EPHB2: variants seen among roughly 807,000 people sequenced by gnomAD.
The protein encoded by EPHB2 is ephrin type-B receptor 2.
Under a neutral mutation model 96.4 loss-of-function variants are expected in EPHB2, and 18 were observed. The ratio of observed to expected loss-of-function variants is 0.19; its 90% CI spans 0.13 to 0.28. The LOEUF (loss-of-function observed/expected upper bound fraction) is 0.28. Among genes scored for constraint, EPHB2 ranks in the 10% least tolerant of loss-of-function variants. The pLI, the probability that EPHB2 is intolerant of heterozygous loss-of-function variation, is 1.00. For synonymous variants in EPHB2, 506 were observed against 534.1 expected, an observed-to-expected ratio of 0.95 and a Z score of 0.72; for missense variants, 989 against 1,355.4, an observed-to-expected ratio of 0.73 and a Z score of 4.25.
At chr1:22,824,295 G>GGAAA (rs565366377) in intron 3 of EPHB2, among the ~76,000 whole-genome samples, 5 of 151,098 alleles carry the variant, frequency 3.3e-5, no homozygotes, top group Non-Finnish European at 5.9e-5. Flanking sequence ...AAGGAAGGAA[G>GGAAA]GAAAGAAAGA....
intron 3 of EPHB2, among the ~76,000 whole-genome samples, chr1:22,810,608 G>A (rs1029082213): frequency 1.3e-5 from 2 of 152,224 alleles, no homozygotes; most frequent in Non-Finnish European, 2.9e-5. Flanking sequence ...CCTCTTGGGA[G>A]TTTCCCAGTG....
intron 3 of EPHB2, among the ~76,000 whole-genome samples, chr1:22,797,422 C>T (rs188664541): frequency 6.6e-6 from 1 of 152,158 alleles, no homozygotes; most frequent in Non-Finnish European, 1.5e-5. Flanking sequence ...GTCCCACCCC[C>T]CTCCACCTCT....
rs1644750985 is a variant in EPHB2, at chr1:22,795,230, T to C, written c.811+10154T>C. Among the ~76,000 whole-genome samples, 3 of 152,238 alleles carry C rather than the reference T, an allele frequency of 2.0e-5. No individual in the cohort carries two copies. In the South Asian group the frequency reaches 6.2e-4, roughly 32 times the overall value. ...CAAGTGAGAGACTTAAACCAAGACC[T>C]GCCTGAGTCCCTGGAGAGGAGGGAA... is the stretch of plus-strand genomic sequence containing the variant. On this transcript the variant is annotated intron_variant, in intron 3 of 15. Coordinates refer to ENST00000374630, the MANE Select transcript of EPHB2 (RefSeq NM_017449.5).
chr1:22,713,436 G>A (rs1274109507), intron 1 of EPHB2, among the ~76,000 whole-genome samples: 3 of 152,102 alleles, frequency 2.0e-5, no homozygotes, highest in African/African-American at 7.2e-5. Context: ...TTTGAGCCTC[G>A]TTTTCCTCCC....
At position 22,914,965 on chromosome 1, in the gene EPHB2, T is replaced by C. The variant is rs1329851097; in HGVS notation, c.*1395T>C. The C allele has an allele frequency of 6.6e-6, 1 of 152,598 alleles. No homozygotes were observed. The allele number at this position is 152,598 out of a possible 1,614,324, so 9.5% of individuals were successfully genotyped here. A position where few individuals can be genotyped will look rare whatever the true frequency, so the allele number is the denominator to read the frequency against. On this transcript the variant is annotated 3_prime_UTR_variant, in exon 16 of 16. Transcript: ENST00000374630. ...ATCTATCTAGTACTTCCCAGGCAAA[T>C]AGGCCCCTTTGAGGCTCCTGAGTGC...
intron 1 of EPHB2, among the ~76,000 whole-genome samples, chr1:22,736,560 G>C (rs551578218): frequency 7.2e-5 from 11 of 152,284 alleles, no homozygotes; most frequent in Non-Finnish European, 1.6e-4. Flanking sequence ...GCCTCGGTGG[G>C]GCCTGCAGGC....
chr1:22,822,706 A>C (rs1645168816), intron 3 of EPHB2, among the ~76,000 whole-genome samples: 1 of 152,254 alleles, frequency 6.6e-6, no homozygotes, highest in South Asian at 2.1e-4. Flanking sequence ...GGGTCAGGAC[A>C]TGCACTGGCA....
At chr1:22,893,142 A>C in intron 7 of EPHB2, 96 bp downstream of exon 7, 2 of 1,590,124 alleles carry the variant, frequency 1.3e-6, no homozygotes, top group Non-Finnish European at 1.7e-6. Flanking sequence ...TGTGCAGATT[A>C]GAAAAGGCAC....
At chr1:22,755,322 C>T (rs1294401195) in intron 1 of EPHB2, among the ~76,000 whole-genome samples, 1 of 152,108 alleles carries the variant, frequency 6.6e-6, no homozygotes, top group East Asian at 1.9e-4. Flanking sequence ...ACCTGCTGTC[C>T]CTGAATCTGT....
intron 14 of EPHB2, among the ~76,000 whole-genome samples, chr1:22,911,153 AAT>A (rs1640089470): frequency 1.4e-5 from 2 of 144,044 alleles, no homozygotes; most frequent in African/African-American, 5.8e-5. Flanking sequence ...AAAATAAATA[AAT>A]AAATAAATAA....
chr1:22,894,306 A>G (rs1414491848), intron 7 of EPHB2, among the ~76,000 whole-genome samples: 2 of 152,160 alleles, frequency 1.3e-5, no homozygotes, highest in Non-Finnish European at 2.9e-5. Flanking sequence ...GACAGTTGAG[A>G]AGTAAAAATA....
At chr1:22,898,141 A>G (rs1255258359) in intron 9 of EPHB2, among the ~76,000 whole-genome samples, 1 of 151,470 alleles carries the variant, frequency 6.6e-6, no homozygotes, top group African/African-American at 2.4e-5. Flanking sequence ...AAAACAAAAG[A>G]AAAAAGAAGA....
intron 3 of EPHB2, among the ~76,000 whole-genome samples, chr1:22,800,002 G>A (rs2148445670): frequency 6.6e-6 from 1 of 152,330 alleles, no homozygotes; most frequent in East Asian, 1.9e-4. Context: ...GCGTGTCTGT[G>A]CTGCCTGGGC....
chr1:22,846,514 G>A lies in EPHB2; in HGVS notation c.812-16523G>A, dbSNP rs1446725818. 6.6e-6 allele frequency among the ~76,000 whole-genome samples: 1 copy of A among 152,086 alleles called. No homozygotes were observed. The highest frequency in any genetic ancestry group is 2.4e-5 in the African/African-American group (1 of 41,420). ...GAGGTTCACAGACCGCCCTGCCAAA[G>A]ACAGAACTGCCCGATCTGCAGGCCT... On this transcript the variant is annotated intron_variant, in intron 3 of 15. Transcript: ENST00000374630. This position sits in a 1 kb window ranked among gnomAD's most constrained non-coding sequence, Gnocchi z 4.3.
rs1403021405 is a variant in EPHB2, at chr1:22,916,893, G to T, written c.*3323G>T. The T allele has an allele frequency of 2.0e-5, 3 of 152,238 alleles. No homozygotes were observed. Among genetic ancestry groups the T allele is most frequent in the Non-Finnish European group, 4.4e-5 (3 of 68,116 alleles). The allele number at this position is 152,238 out of a possible 1,614,324, so 9.4% of individuals were successfully genotyped here. ...CATGCTACCCACCCGCACCCCTACTGCTACGAAGCCCCCAGAATGGGTCAT... is the reference window on the plus strand; with the variant it reads ...CATGCTACCCACCCGCACCCCTACTTCTACGAAGCCCCCAGAATGGGTCAT... On this transcript the variant is annotated 3_prime_UTR_variant, in exon 16 of 16. Transcript: ENST00000374630. This position sits in a 1 kb window ranked among gnomAD's most constrained non-coding sequence, Gnocchi z 4.2.
At chr1:22,732,147 TGTGCAGTG>T (rs990001765) in intron 1 of EPHB2, among the ~76,000 whole-genome samples, 1 of 152,176 alleles carries the variant, frequency 6.6e-6, no homozygotes, top group Non-Finnish European at 1.5e-5. Context: ...TCCCCTTATC[TGTGCAGTG>T]GGAATTAGAG....
intron 1 of EPHB2, among the ~76,000 whole-genome samples, chr1:22,716,765 C>T (rs1643305137): frequency 6.6e-6 from 1 of 152,204 alleles, no homozygotes; most frequent in South Asian, 2.1e-4. Context: ...AGAAAGGCCC[C>T]TAACAGGAAG....
rs1488758199 is a variant in EPHB2 at position 22,864,860 on chromosome 1, C to A, written c.968-17C>A. 2 of 1,579,090 alleles carry A rather than the reference C, an allele frequency of 1.3e-6. No homozygotes were observed. The highest frequency in any genetic ancestry group is 2.7e-5 in the African/African-American group (2 of 74,304). On this transcript the variant is annotated splice_polypyrimidine_tract_variant and intron_variant, in intron 4 of 15. Transcript: ENST00000374630. The stretch of plus-strand genomic sequence containing the variant: ...CCCCTGAGCCCCCCACTGACCAACA[C>A]CTCTCCCCCGCCCCAGCCATCCCCT...
At chr1:22,907,172 C>A (rs1013629406) in intron 11 of EPHB2, among the ~76,000 whole-genome samples, 46 of 152,226 alleles carry the variant, frequency 3.0e-4, no homozygotes, top group African/African-American at 1.1e-3. Context: ...TCCCAGAATT[C>A]TTCTCAGTAT....
Sources: allele counts gnomAD v4.1 joint callset (sites outside exome capture counted in the v4.1 genomes callset), GRCh38; gene constraint gnomAD v4.1.1; non-coding constraint Gnocchi (gnomAD v3.1); transcripts MANE v1.5; gene names NCBI Gene and HGNC (gene_info 2026-07-23, HGNC 2026-07-21).